ACBD6: variants seen among roughly 807,000 people sequenced by gnomAD.
The protein encoded by ACBD6 is acyl-CoA-binding domain-containing protein 6.
In ACBD6, 28 loss-of-function variants were observed where a neutral mutation model predicts 37.2. That is an observed-to-expected ratio of 0.75 (90% CI 0.56 to 1.03). The LOEUF (loss-of-function observed/expected upper bound fraction) is 1.03. ACBD6 is among the 50% of genes least tolerant of loss of function. ACBD6 has a pLI of 0.00. For synonymous variants in ACBD6, 113 were observed against 126.8 expected (o/e 0.89, Z 0.73); for missense variants, 340 against 337.4 (o/e 1.01, Z -0.06).
At chr1:180,400,538 A>G (rs1571458558) in intron 5 of ACBD6, among the ~76,000 whole-genome samples, 2 of 152,338 alleles carry the variant, frequency 1.3e-5, no homozygotes, top group East Asian at 1.9e-4. Flanking sequence ...AGGATTAAAC[A>G]TACTTGTAAA....
intron 4 of ACBD6, among the ~76,000 whole-genome samples, chr1:180,414,049 C>T (rs550249830): frequency 6.6e-6 from 1 of 152,306 alleles, no homozygotes; most frequent in East Asian, 1.9e-4. Context: ...TTATATTATG[C>T]TGCCTTTTGA....
At chr1:180,286,477 TA>T (rs1413471146), downstream of ACBD6, among the ~76,000 whole-genome samples, 2 of 152,204 alleles carry the variant, frequency 1.3e-5, no homozygotes, top group Admixed American at 6.5e-5. Flanking sequence ...GCTAATGTCT[TA>T]AAAAATGCAC....
chr1:180,480,642 G>C (rs1035573480), intron 3 of ACBD6, among the ~76,000 whole-genome samples: 6 of 152,176 alleles, frequency 3.9e-5, no homozygotes, highest in African/African-American at 1.4e-4. Context: ...AAGCCAAAAA[G>C]GCAGAGTTCT....
At chr1:180,388,112 C>T (rs546524815) in intron 6 of ACBD6, among the ~76,000 whole-genome samples, 1 of 149,788 alleles carries the variant, frequency 6.7e-6, no homozygotes. Flanking sequence ...GGAGGCGGAG[C>T]TTGCAGTGAG....
chr1:180,314,252 T>C (rs779319846), intron 7 of ACBD6, among the ~76,000 whole-genome samples: 6 of 152,200 alleles, frequency 3.9e-5, no homozygotes, highest in Non-Finnish European at 5.9e-5. Flanking sequence ...AAGTTATTAA[T>C]ATTTTTTTTT....
intron 3 of ACBD6, among the ~76,000 whole-genome samples, chr1:180,447,453 G>A (rs1360105593): frequency 6.6e-6 from 1 of 152,044 alleles, no homozygotes; most frequent in Non-Finnish European, 1.5e-5. Flanking sequence ...TAGAATTTAA[G>A]AATAAATATT....
At chr1:180,300,994 C>T (rs1002199199) in intron 7 of ACBD6, among the ~76,000 whole-genome samples, 10 of 152,126 alleles carry the variant, frequency 6.6e-5, no homozygotes, top group Non-Finnish European at 5.9e-5. Context: ...AATCAGAAGA[C>T]CTATACAAGT....
intron 3 of ACBD6, among the ~76,000 whole-genome samples, chr1:180,440,412 A>G (rs901921722): frequency 6.6e-6 from 1 of 152,196 alleles, no homozygotes; most frequent in African/African-American, 2.4e-5. Flanking sequence ...TCCAGCCTTG[A>G]AAAGTCTTTA....
At chr1:180,433,652 C>G (rs540954096) in intron 3 of ACBD6, among the ~76,000 whole-genome samples, 2 of 151,808 alleles carry the variant, frequency 1.3e-5, no homozygotes, top group East Asian at 3.9e-4. Flanking sequence ...AGAGTGCGCA[C>G]AAAAGAGATT....
intron 6 of ACBD6, among the ~76,000 whole-genome samples, chr1:180,349,272 T>A (rs1341157317): frequency 6.6e-6 from 1 of 151,160 alleles, no homozygotes; most frequent in Non-Finnish European, 1.5e-5. Flanking sequence ...AATTTCTTTT[T>A]TTTTTTTGGA....
intron 4 of ACBD6, among the ~76,000 whole-genome samples, chr1:180,414,098 GTTC>G (rs1647980133): frequency 6.6e-6 from 1 of 152,180 alleles, no homozygotes. Context: ...TGAAGCAGAA[GTTC>G]TTAACATGAC....
intron 4 of ACBD6, among the ~76,000 whole-genome samples, chr1:180,425,669 G>A (rs1236655548): frequency 6.6e-6 from 1 of 152,182 alleles, no homozygotes; most frequent in East Asian, 1.9e-4. Context: ...AGGCTGCAAT[G>A]TAACAATGTG....
At chr1:180,311,711 T>C (rs571962838) in intron 7 of ACBD6, among the ~76,000 whole-genome samples, 43 of 152,316 alleles carry the variant, frequency 2.8e-4, no homozygotes, top group African/African-American at 8.7e-4. Context: ...GGCTACAGCA[T>C]TGTGGAGTGG....
intron 1 of ACBD6, among the ~76,000 whole-genome samples, chr1:180,498,112 A>T (rs1423407541): frequency 1.3e-5 from 2 of 152,188 alleles, no homozygotes; most frequent in Non-Finnish European, 2.9e-5. Context: ...AGACTTTTCA[A>T]ATGTTGACAC....
intron 6 of ACBD6, among the ~76,000 whole-genome samples, chr1:180,337,251 T>C (rs1651762252): frequency 1.3e-5 from 2 of 152,128 alleles, no homozygotes; most frequent in African/African-American, 4.8e-5. Context: ...GCAAAAATCC[T>C]CAATAAAATA....
chr1:180,273,919 A>G (rs1019086656), intron 11 of ACBD6: 26 of 517,496 alleles, frequency 5.0e-5, no homozygotes, highest in Non-Finnish European at 7.7e-5. Context: ...ACGAGCCACA[A>G]GGGACCAACG....
At chr1:180,385,094 G>A (rs1653801754) in intron 6 of ACBD6, among the ~76,000 whole-genome samples, 1 of 151,784 alleles carries the variant, frequency 6.6e-6, no homozygotes, top group Admixed American at 6.6e-5. Context: ...AGCAGAGTAG[G>A]GCTTTTACTA....
At chr1:180,345,878 T>C (rs1261366550) in intron 6 of ACBD6, among the ~76,000 whole-genome samples, 5 of 152,224 alleles carry the variant, frequency 3.3e-5, no homozygotes, top group Non-Finnish European at 7.3e-5. Flanking sequence ...ATTTCTATTA[T>C]GAACAAGTGC....
At chr1:180,436,949 C>T (rs1458248450) in intron 3 of ACBD6, among the ~76,000 whole-genome samples, 2 of 152,162 alleles carry the variant, frequency 1.3e-5, no homozygotes, top group African/African-American at 4.8e-5. Context: ...CTCATCACTT[C>T]TATTCAAGAT....
Sources: allele counts gnomAD v4.1 joint callset (sites outside exome capture counted in the v4.1 genomes callset), GRCh38; gene constraint gnomAD v4.1.1; transcripts MANE v1.5; gene names NCBI Gene and HGNC (gene_info 2026-07-23, HGNC 2026-07-21).